Variants in ST7L observed in about 807,000 individuals in gnomAD.
ST7L encodes the protein suppressor of tumorigenicity 7 protein-like.
A neutral mutation model predicts 72.5 loss-of-function variants in ST7L; 57 were observed. The observed-to-expected ratio is 0.79, with a 90% CI of 0.64 to 0.98. The LOEUF (loss-of-function observed/expected upper bound fraction) is 0.98, where lower values mean the gene tolerates loss of function less well. Ranked by LOEUF, ST7L falls within the 50% of genes least tolerant of loss-of-function variation. The probability of loss-of-function intolerance (pLI) is 0.00; values close to 1 mark genes in which losing one functional copy is unlikely to be tolerated. For missense variants in ST7L, 576 were observed against 672.2 expected (o/e 0.86, Z 1.58); for synonymous variants, 221 against 240.9 (o/e 0.92, Z 0.77).
intron 3 of ST7L, among the ~76,000 whole-genome samples, chr1:112,609,955 T>A (rs1166390339): frequency 6.6e-6 from 1 of 152,190 alleles, no homozygotes; most frequent in African/African-American, 2.4e-5. Context: ...GAAAAAAATT[T>A]TTTTTCCTAC....
Position 112,569,646 on chromosome 1 carries a change from T to C in ST7L, c.1245+7340A>G, listed in dbSNP as rs142595201. Among the ~76,000 whole-genome samples, 139 of 152,284 alleles carry C rather than the reference T, an allele frequency of 9.1e-4. 1 individual carries two copies. The highest frequency in any genetic ancestry group is 3.3e-3 in the African/African-American group (137 of 41,568). On this transcript the variant is annotated intron_variant, in intron 11 of 14. Coordinates refer to ENST00000358039, the MANE Select transcript of ST7L (RefSeq NM_017744.5). ...TCCTTTAAAAGTGAATTTTATAGTA[T>C]GTAAATTATCTCAATAAGAAAGACA...
At chr1:112,520,185 G>C, downstream of ST7L, 1 of 1,298,578 alleles carries the variant, frequency 7.7e-7, no homozygotes, top group Non-Finnish European at 1.1e-6. Flanking sequence ...CCAAAAAAGC[G>C]ATTCTTTTTA....
chr1:112,560,892 GGC>G (rs1305428321), intron 11 of ST7L, among the ~76,000 whole-genome samples: 1 of 151,862 alleles, frequency 6.6e-6, no homozygotes, highest in Non-Finnish European at 1.5e-5. Context: ...GAACCCGGGA[GGC>G]AGGGGTTGCA....
chr1:112,532,866 A>G (rs924905710), intron 14 of ST7L, among the ~76,000 whole-genome samples: 2 of 152,180 alleles, frequency 1.3e-5, no homozygotes, highest in Non-Finnish European at 2.9e-5. Flanking sequence ...GCATTAAGGA[A>G]CACACCCAAG....
At position 112,619,024 on chromosome 1, in the gene ST7L, C is replaced by T; in HGVS notation, c.90G>A (p.Arg30=). 1.2e-6 allele frequency: 2 copies of T among 1,613,884 alleles called. No homozygotes were observed. The highest frequency in any genetic ancestry group is 1.7e-6 in the Non-Finnish European group (2 of 1,179,932). Residue 30 remains arginine, a synonymous_variant, in exon 1 of 15, where the codon AGG becomes AGA. Transcript: ENST00000358039. ...CCGCCAGCCCGGCCCGCAGTCGCTC[C>T]CTCCAGCCTAGCGTCGGGTTTAGGC... is the stretch of plus-strand genomic sequence containing the variant. ...VPGLNPTLGW[R]ERLRAGLAGT...
In ST7L at chr1:112,523,994, A is replaced by T. The variant is rs1653034052; in HGVS notation, c.*2019T>A. 6.6e-6 allele frequency: 1 copy of T among 151,760 alleles called. No individual in the cohort carries two copies. Among genetic ancestry groups the T allele is most frequent in the Admixed American group, 6.6e-5 (1 of 15,258 alleles). The allele number at this position is 151,760 out of a possible 1,614,324, so 9.4% of individuals were successfully genotyped here. ...CTGGAAAAATAAAATCAGGGGCTTCAGATTAAAAAAAAAAACAAAAAACAA... is the reference window on the plus strand; with the variant it reads ...CTGGAAAAATAAAATCAGGGGCTTCTGATTAAAAAAAAAAACAAAAAACAA... On this transcript the variant is annotated 3_prime_UTR_variant, in exon 15 of 15. Coordinates refer to ENST00000358039, the MANE Select transcript of ST7L (RefSeq NM_017744.5).
At chr1:112,592,238 A>G (rs1030634026) in intron 5 of ST7L, among the ~76,000 whole-genome samples, 1 of 152,212 alleles carries the variant, frequency 6.6e-6, no homozygotes, top group Admixed American at 6.5e-5. Flanking sequence ...CACAGTAAGT[A>G]AAGTTTTCTT....
intron 11 of ST7L, among the ~76,000 whole-genome samples, 179 bp downstream of exon 11, chr1:112,576,807 C>T (rs1360679714): frequency 1.3e-5 from 2 of 152,176 alleles, no homozygotes; most frequent in Non-Finnish European, 2.9e-5. Flanking sequence ...TTGCTCCTAT[C>T]TACCTTTCTA....
At chr1:112,569,947 G>C (rs1432594321) in intron 11 of ST7L, among the ~76,000 whole-genome samples, 1 of 122,228 alleles carries the variant, frequency 8.2e-6, no homozygotes, top group African/African-American at 3.0e-5. Context: ...GACAGAGGAA[G>C]ATTCTGTCTC....
At chr1:112,550,485 A>G (rs946575193) in intron 13 of ST7L, 116 bp downstream of exon 13, 1 of 668,074 alleles carries the variant, frequency 1.5e-6, no homozygotes, top group Non-Finnish European at 2.5e-6. Context: ...TGGCTAAAAT[A>G]GTATTTAAAC....
intron 5 of ST7L, among the ~76,000 whole-genome samples, chr1:112,595,370 G>GAAAAAA (rs67553307): frequency 3.8e-5 from 2 of 52,000 alleles, no homozygotes; most frequent in African/African-American, 7.7e-5. Flanking sequence ...GGTCTCAAAA[G>GAAAAAA]AAAAAAAAAA....
At chr1:112,564,749 G>A (rs542628298) in intron 11 of ST7L, among the ~76,000 whole-genome samples, 11 of 150,462 alleles carry the variant, frequency 7.3e-5, no homozygotes, top group East Asian at 6.0e-4. Context: ...CCCAGGAGGC[G>A]GAGGTTGCAG....
At chr1:112,611,643 TAA>T (rs1421331868) in intron 2 of ST7L, among the ~76,000 whole-genome samples, 3 of 152,202 alleles carry the variant, frequency 2.0e-5, no homozygotes, top group South Asian at 2.1e-4. Context: ...ATCACTGATA[TAA>T]AAAGAGAAAC....
intron 7 of ST7L, among the ~76,000 whole-genome samples, 195 bp from the exon 8 acceptor site, chr1:112,582,667 G>A (rs915146710): frequency 3.9e-5 from 6 of 151,930 alleles, no homozygotes; most frequent in African/African-American, 1.2e-4. Context: ...CTATTTTTGC[G>A]CATGTTTCAA....
chr1:112,566,216 C>T (rs1403086948), intron 11 of ST7L, among the ~76,000 whole-genome samples: 1 of 151,472 alleles, frequency 6.6e-6, no homozygotes, highest in Non-Finnish European at 1.5e-5. Context: ...CCTAAATATG[C>T]GGCTTGATGA....
intron 5 of ST7L, among the ~76,000 whole-genome samples, chr1:112,593,607 T>C (rs6682737): frequency 0.5 from 75,651 of 151,846 alleles, 19,218 homozygotes; most frequent in East Asian, 0.64. Context: ...CTTATTACTG[T>C]CAAGTGTAAA....
intron 10 of ST7L, among the ~76,000 whole-genome samples, chr1:112,577,530 C>CAAA (rs527682647): frequency 1.3e-3 from 32 of 24,082 alleles, no homozygotes; most frequent in South Asian, 2.5e-3. Context: ...AACTCTGTCT[C>CAAA]AAAAAAAAAA....
intron 7 of ST7L, 106 bp from the exon 8 acceptor site, chr1:112,582,578 T>C (rs1405307509): frequency 1.0e-5 from 6 of 578,298 alleles, no homozygotes; most frequent in Non-Finnish European, 1.7e-5. Flanking sequence ...GAAGAGTCAA[T>C]TAAAATTAAA....
chr1:112,551,138 C>CTTTTTTTTTTTTTTTTTTTTTTTTTTTTT (rs567601091), intron 12 of ST7L, among the ~76,000 whole-genome samples: 1 of 77,208 alleles, frequency 1.3e-5, no homozygotes, highest in Non-Finnish European at 2.3e-5. Flanking sequence ...ATGAGCAGAT[C>CTTTTTTTTTTTTTTTTTTTTTTTTTTTTT]TTTTTTTTTT....
Sources: gnomAD v4.1 joint callset for allele counts (sites outside exome capture counted in the v4.1 genomes callset) on GRCh38, gnomAD v4.1.1 for gene constraint, MANE v1.5 for transcripts, NCBI Gene and HGNC (gene_info 2026-07-23, HGNC 2026-07-21) for gene names.